The following SVEP1 variants were observed in gnomAD, a reference collection of about 807,000 sequenced individuals.
SVEP1 encodes the protein sushi, von Willebrand factor type A, EGF and pentraxin domain containing 1, also known as sushi, von Willebrand factor type A, EGF and pentraxin domain-containing protein 1.
SVEP1 carries 164 observed loss-of-function variants against 367.3 expected under a neutral mutation model. That is an observed-to-expected ratio of 0.45 (90% CI 0.39 to 0.51). The LOEUF is 0.51. Ranked by LOEUF, SVEP1 falls within the 20% of genes least tolerant of loss-of-function variation. SVEP1 has a pLI of 0.00. For synonymous variants in SVEP1, 1,666 were observed against 1,611.6 expected (o/e 1.03, Z -0.81); for missense variants, 4,117 against 4,425.3 (o/e 0.93, Z 1.98).
intron 3 of SVEP1, among the ~76,000 whole-genome samples, chr9:110,542,166 A>G (rs1347916628): frequency 6.6e-6 from 1 of 152,146 alleles, no homozygotes; most frequent in African/African-American, 2.4e-5. Context: ...AGCAATGTAT[A>G]TAAGATGTTA....
chr9:110,459,623 T>C lies in SVEP1; in HGVS notation c.3323-510A>G, dbSNP rs12235575. ...GGGTAGTTGAATTAGAATAATTGGA[T>C]TTGAGTAGTTGAATAGTTAGGTCTA... On this transcript the variant is annotated intron_variant, in intron 18 of 47. Transcript: ENST00000374469. Among the ~76,000 whole-genome samples, 936 of 152,272 alleles carry C rather than the reference T, an allele frequency of 6.1e-3. 24 individuals are homozygous for C. The highest frequency in any genetic ancestry group is 0.045 in the East Asian group (236 of 5,190).
At chr9:110,385,477 C>A (rs1359757703) in intron 43 of SVEP1, among the ~76,000 whole-genome samples, 1 of 152,168 alleles carries the variant, frequency 6.6e-6, no homozygotes, top group Non-Finnish European at 1.5e-5. Context: ...TCATCAGCAA[C>A]ATCTAGAAAT....
intron 18 of SVEP1, 130 bp downstream of exon 18, chr9:110,465,735 C>T (rs1223392206): frequency 1.6e-6 from 2 of 1,226,220 alleles, no homozygotes; most frequent in African/African-American, 3.0e-5. Context: ...AAAAAAACCT[C>T]TTTATGAAGA....
chr9:110,482,565 T>A, intron 10 of SVEP1, 73 bp from the exon 11 acceptor site: 1 of 1,509,480 alleles, frequency 6.6e-7, no homozygotes, highest in Non-Finnish European at 8.9e-7. Flanking sequence ...CTTACTCTGT[T>A]GCCCAGGCTG....
rs539404866 is a variant in SVEP1, at chr9:110,445,821, C to T, written c.4463+16G>A. On this transcript the variant is annotated intron_variant, in intron 26 of 47. Transcript: ENST00000374469. ...GATAAGATCTTAAGCATAGCCTTCC[C>T]GACACTTCTGCTTACCCGTTATAAT... 1.2e-5 allele frequency: 20 copies of T among 1,613,188 alleles called. No individual in the cohort carries two copies. Among genetic ancestry groups the T allele is most frequent in the Middle Eastern group, 1.7e-4 (1 of 6,052 alleles).
chr9:110,491,929 C>T (rs369767614), intron 8 of SVEP1, among the ~76,000 whole-genome samples: 13 of 152,116 alleles, frequency 8.5e-5, no homozygotes, highest in Admixed American at 5.2e-4. Context: ...AAAGAACAAT[C>T]ATCACTTAAA....
At chr9:110,373,625 A>G (rs542927484) in intron 46 of SVEP1, among the ~76,000 whole-genome samples, 1 of 152,162 alleles carries the variant, frequency 6.6e-6, no homozygotes, top group South Asian at 2.1e-4. Flanking sequence ...AGCAAGCCCT[A>G]TGTTTTAAGT....
At chr9:110,547,359 A>G (rs1830233141) in intron 2 of SVEP1, among the ~76,000 whole-genome samples, 1 of 152,134 alleles carries the variant, frequency 6.6e-6, no homozygotes, top group Non-Finnish European at 1.5e-5. Flanking sequence ...AGGAAAACCT[A>G]CTTGTCCAGC....
intron 21 of SVEP1, among the ~76,000 whole-genome samples, chr9:110,456,551 T>C (rs974789469): frequency 2.6e-5 from 4 of 152,228 alleles, no homozygotes; most frequent in Non-Finnish European, 2.9e-5. Flanking sequence ...TTTTTGACTT[T>C]CCTTTTGCTT....
Position 110,435,370 on chromosome 9 carries a change from A to G in SVEP1, c.4765-6T>C, listed in dbSNP as rs1359597682. 2.5e-6 allele frequency: 4 copies of G among 1,612,574 alleles called. No homozygotes were observed. The East Asian group carries it at 6.7e-5, about 27-fold the overall frequency. On this transcript the variant is annotated splice_region_variant and splice_polypyrimidine_tract_variant and intron_variant, in intron 28 of 47. Transcript: ENST00000374469. The stretch of plus-strand genomic sequence containing the variant: ...GAGGTAGCCAGTGACTTCACCTGAA[A>G]GTTTAATAACACTTTAGATAAGCCT...
intron 33 of SVEP1, 115 bp from the exon 34 acceptor site, chr9:110,430,119 T>C (rs1324098575): frequency 2.4e-6 from 3 of 1,229,152 alleles, no homozygotes; most frequent in Non-Finnish European, 3.3e-6. Context: ...TTTTTTTTTT[T>C]TTTGGTGTGT....
rs546928950 is a variant in SVEP1, at chr9:110,390,388, T to C, written c.9823-801A>G. ...ACTTATATCTACTTATATATATATA[T>C]ACTTATATCTCACATTTTCTTTATC... On this transcript the variant is annotated intron_variant, in intron 40 of 47. Transcript: ENST00000374469. 7.6e-4 allele frequency among the ~76,000 whole-genome samples: 99 copies of C among 130,968 alleles called. 6 individuals are homozygous for C. The highest frequency in any genetic ancestry group is 1.4e-3 in the Non-Finnish European group (87 of 62,930). 85.9% of individuals were successfully genotyped at this position (130,968 alleles called of 152,430 possible).
chr9:110,542,973 A>AAAT (rs1244008251), intron 3 of SVEP1, among the ~76,000 whole-genome samples: 111 of 147,266 alleles, frequency 7.5e-4, no homozygotes, highest in Admixed American at 2.0e-3. Context: ...ATTAAAAAAA[A>AAAT]ATATATATAT....
chr9:110,481,226 T>C lies in SVEP1; in HGVS notation c.2365+16A>G, dbSNP rs73655373. On this transcript the variant is annotated intron_variant, in intron 12 of 47. Coordinates refer to ENST00000374469, the MANE Select transcript of SVEP1 (RefSeq NM_153366.4). Reference sequence around the variant, plus strand: ...TCACACACATTAAAGAAGTCTAGAATAAAATTAAAACTTACTGGCACAGTC... The same window carrying C: ...TCACACACATTAAAGAAGTCTAGAACAAAATTAAAACTTACTGGCACAGTC... The C allele has an allele frequency of 5.4e-3, 8,108 of 1,491,988 alleles. 353 individuals carry two copies. In the African/African-American group the frequency reaches 0.098, roughly 18 times the overall value. The allele number at this position is 1,491,988 out of a possible 1,614,324, so 92.4% of individuals were successfully genotyped here.
chr9:110,443,097 T>G (rs1828538521), intron 27 of SVEP1: 1 of 152,932 alleles, frequency 6.5e-6, no homozygotes, highest in Admixed American at 6.5e-5. Flanking sequence ...TTTGCAATTC[T>G]TCAAACTAAA....
intron 29 of SVEP1, among the ~76,000 whole-genome samples, 177 bp from the exon 30 acceptor site, chr9:110,434,683 A>AAAAAAAAAAAAAAAAAAAC (rs1828406499): frequency 6.6e-6 from 1 of 150,586 alleles, no homozygotes; most frequent in Non-Finnish European, 1.5e-5. Flanking sequence ...AAAAAAAAAA[A>AAAAAAAAAAAAAAAAAAAC]AAAGCATTTA....
intron 40 of SVEP1, among the ~76,000 whole-genome samples, chr9:110,392,992 C>T (rs1324068923): frequency 1.3e-5 from 2 of 152,116 alleles, no homozygotes; most frequent in South Asian, 2.1e-4. Context: ...AGTAACTGAA[C>T]ATCAATATTT....
rs1251810793 is a variant in SVEP1 at position 110,408,482 on chromosome 9, A to T, written c.7118T>A (p.Phe2373Tyr). Reference protein sequence around the residue: ...CLPSQQWNDSFPVCKIVLCTP... With the variant: ...CLPSQQWNDSYPVCKIVLCTP... Reference sequence around the variant, plus strand: ...ACAAAGAACAATCTTACAAACAGGGAAAGAGTCATTCCATTGCTGGGATGG... The same window carrying T: ...ACAAAGAACAATCTTACAAACAGGGTAAGAGTCATTCCATTGCTGGGATGG... The change falls in exon 38 of 48, where the codon TTC (phenylalanine) becomes TAC (tyrosine). Residue 2373 changes from phenylalanine to tyrosine, a missense_variant. Phe to Tyr is a conservative substitution (Grantham distance 22). Coordinates refer to ENST00000374469, the MANE Select transcript of SVEP1 (RefSeq NM_153366.4). 24 of 1,613,886 alleles carry T rather than the reference A, an allele frequency of 1.5e-5. 1 individual carries two copies. The highest frequency in any genetic ancestry group is 2.2e-5 in the East Asian group (1 of 44,898).
intron 3 of SVEP1, among the ~76,000 whole-genome samples, chr9:110,521,357 T>A (rs1006762450): frequency 7.2e-5 from 11 of 152,144 alleles, no homozygotes; most frequent in Non-Finnish European, 1.3e-4. Flanking sequence ...TTGGACAAAG[T>A]TGTGAATCTG....
Sources: allele counts gnomAD v4.1 joint callset (sites outside exome capture counted in the v4.1 genomes callset), GRCh38; gene constraint gnomAD v4.1.1; transcripts MANE v1.5; gene names NCBI Gene and HGNC (gene_info 2026-07-23, HGNC 2026-07-21).